Variants in TENM3 observed in about 807,000 individuals in gnomAD.
TENM3 encodes teneurin transmembrane protein 3.
In TENM3, 63 loss-of-function variants were observed where a neutral mutation model predicts 255.1. The ratio of observed to expected loss-of-function variants is 0.25; its 90% CI spans 0.20 to 0.30. The LOEUF (loss-of-function observed/expected upper bound fraction) is 0.30, where lower values mean the gene tolerates loss of function less well. Among genes scored for constraint, TENM3 ranks in the 10% least tolerant of loss-of-function variants. TENM3 has a pLI of 1.00. For missense variants in TENM3, 2,929 were observed against 3,461.1 expected (o/e 0.85, Z 3.86); for synonymous variants, 1,306 against 1,322.3 (o/e 0.99, Z 0.27).
the TENM3 span, among the ~76,000 whole-genome samples, chr4:181,635,118 G>C: frequency 6.6e-6 from 1 of 152,034 alleles, no homozygotes; most frequent in Non-Finnish European, 1.5e-5. Context: ...AATTCTAATG[G>C]GATTTAGCCG....
intron 6 of TENM3, among the ~76,000 whole-genome samples, chr4:182,665,151 G>A (rs1011784307): frequency 6.6e-6 from 1 of 152,160 alleles, no homozygotes; most frequent in Non-Finnish European, 1.5e-5. Context: ...TGTTAGTGAT[G>A]CAGCTGGTGA....
Position 182,200,127 on chromosome 4 carries a change from C to T in TENM3, c.-76+55373C>T, listed in dbSNP as rs565424806. ...AACAGACAGTGGTCTCAAAGGAAGG[C>T]TCTAAAAGGTCTAGAAATGATACAT... On this transcript the variant is annotated intron_variant, in intron 1 of 2. Transcript: ENST00000512480. Among the ~76,000 whole-genome samples, 3 of 152,176 alleles carry T rather than the reference C, an allele frequency of 2.0e-5. No individual in the cohort carries two copies. The South Asian group carries it at 6.2e-4, about 32-fold the overall frequency.
At chr4:181,579,125 G>C in the TENM3 span, among the ~76,000 whole-genome samples, 1 of 152,108 alleles carries the variant, frequency 6.6e-6, no homozygotes, top group Non-Finnish European at 1.5e-5. Context: ...GGAAGTCTCA[G>C]GAAGAAGCGG....
the TENM3 span, among the ~76,000 whole-genome samples, chr4:181,494,906 C>A: frequency 6.6e-6 from 1 of 152,112 alleles, no homozygotes; most frequent in East Asian, 1.9e-4. Context: ...CTTGCCACTT[C>A]CGTGCCATCT....
At chr4:182,085,376 T>C in the TENM3 span, among the ~76,000 whole-genome samples, 2 of 152,068 alleles carry the variant, frequency 1.3e-5, no homozygotes, top group East Asian at 3.9e-4. Context: ...AAGCCAAAGT[T>C]CTCCCACACC....
the TENM3 span, among the ~76,000 whole-genome samples, chr4:181,460,191 ATTAG>A: frequency 6.6e-6 from 1 of 152,036 alleles, no homozygotes; most frequent in Admixed American, 6.6e-5. Flanking sequence ...AAATTTACTT[ATTAG>A]TTCTGTGAAC....
At chr4:181,533,248 G>A in the TENM3 span, among the ~76,000 whole-genome samples, 1,204 of 152,218 alleles carry the variant, frequency 7.9e-3, 15 homozygotes, top group African/African-American at 0.028. Flanking sequence ...AAAAAGAAGG[G>A]GCATTGCAAG....
At chr4:182,305,352 G>T (rs984346626) in intron 1 of TENM3, among the ~76,000 whole-genome samples, 2 of 152,106 alleles carry the variant, frequency 1.3e-5, no homozygotes, top group African/African-American at 4.8e-5. Flanking sequence ...ATTATAATTG[G>T]ATGTGGCTTT....
the TENM3 span, among the ~76,000 whole-genome samples, chr4:181,578,135 G>A: frequency 1.3e-5 from 2 of 152,244 alleles, no homozygotes; most frequent in South Asian, 2.1e-4. Flanking sequence ...TGCTGGGAAG[G>A]TGAGCAGGGA....
chr4:181,658,659 C>A, the TENM3 span, among the ~76,000 whole-genome samples: 1 of 152,200 alleles, frequency 6.6e-6, no homozygotes, highest in Non-Finnish European at 1.5e-5. Flanking sequence ...GAGCAGAGAG[C>A]ATTTTGGAAT....
At chr4:182,694,301 G>A (rs1481235387) in intron 12 of TENM3, among the ~76,000 whole-genome samples, 5 of 151,778 alleles carry the variant, frequency 3.3e-5, no homozygotes, top group African/African-American at 1.2e-4. Context: ...GTGGAGAAGG[G>A]GTTTCTTCAT....
chr4:182,678,186 G>A (rs1329836480), intron 7 of TENM3, among the ~76,000 whole-genome samples: 1 of 152,104 alleles, frequency 6.6e-6, no homozygotes, highest in Non-Finnish European at 1.5e-5. Context: ...ACATTGGAAA[G>A]TCTTTTCAGT....
intron 3 of TENM3, among the ~76,000 whole-genome samples, chr4:182,594,687 T>A (rs1442869571): frequency 1.8e-3 from 19 of 10,680 alleles, no homozygotes; most frequent in African/African-American, 3.1e-3. Flanking sequence ...TGTTTTGGTG[T>A]GTGTGTGTGT....
chr4:181,942,269 C>CTTTTTTTTTTTT, the TENM3 span, among the ~76,000 whole-genome samples: 4 of 106,148 alleles, frequency 3.8e-5, 1 homozygote, highest in Non-Finnish European at 5.5e-5. Context: ...GATGTTGGGC[C>CTTTTTTTTTTTT]TTTTTTTTTT....
At chr4:182,068,431 T>TA in the TENM3 span, among the ~76,000 whole-genome samples, 47 of 148,914 alleles carry the variant, frequency 3.2e-4, no homozygotes, top group South Asian at 4.3e-4. Flanking sequence ...TGAATCACAT[T>TA]AAAAAAAAAC....
chr4:181,717,802 A>G, the TENM3 span, among the ~76,000 whole-genome samples: 1 of 152,202 alleles, frequency 6.6e-6, no homozygotes, highest in African/African-American at 2.4e-5. Flanking sequence ...ACAAAAACCA[A>G]TTCAATCGTA....
At chr4:181,849,646 G>C in the TENM3 span, among the ~76,000 whole-genome samples, 1 of 152,130 alleles carries the variant, frequency 6.6e-6, no homozygotes, top group Non-Finnish European at 1.5e-5. Context: ...GCTAATGGAA[G>C]ATGGTGTCAT....
At chr4:182,611,762 A>AAGAC (rs1218838526) in intron 4 of TENM3, among the ~76,000 whole-genome samples, 1 of 152,214 alleles carries the variant, frequency 6.6e-6, no homozygotes, top group Admixed American at 6.5e-5. Context: ...TACTGTCTTT[A>AAGAC]TCATTCTTGA....
chr4:181,696,599 CTAGG>C, the TENM3 span, among the ~76,000 whole-genome samples: 2 of 152,286 alleles, frequency 1.3e-5, 1 homozygote, highest in South Asian at 4.1e-4. Context: ...AAATATCTGA[CTAGG>C]TAGAATGTTC....
Sources: gnomAD v4.1 joint callset for allele counts (sites outside exome capture counted in the v4.1 genomes callset) on GRCh38, gnomAD v4.1.1 for gene constraint, MANE v1.5 for transcripts, NCBI Gene and HGNC (gene_info 2026-07-23, HGNC 2026-07-21) for gene names.